Variants in TSPAN11 observed in about 807,000 individuals in gnomAD.
TSPAN11 encodes tetraspanin-11.
Under a neutral mutation model 32.9 loss-of-function variants are expected in TSPAN11, and 29 were observed. The ratio of observed to expected loss-of-function variants is 0.88; its 90% CI spans 0.66 to 1.20. The LOEUF (loss-of-function observed/expected upper bound fraction) is 1.20. Ranked by LOEUF, TSPAN11 falls within the 50% of genes most tolerant of loss-of-function variation. The pLI is 0.00. For missense variants in TSPAN11, 283 were observed against 329.1 expected, an observed-to-expected ratio of 0.86 and a Z score of 1.08; for synonymous variants, 140 against 141.3, an observed-to-expected ratio of 0.99 and a Z score of 0.07.
intron 1 of TSPAN11, among the ~76,000 whole-genome samples, chr12:30,935,417 C>G (rs1002896530): frequency 4.4e-5 from 5 of 114,898 alleles, no homozygotes; most frequent in African/African-American, 1.8e-4. Flanking sequence ...GAGTTTCACT[C>G]TTGTCGCCCA....
chr12:30,931,311 G>A (rs11051167), intron 1 of TSPAN11, among the ~76,000 whole-genome samples: 17,354 of 152,164 alleles, frequency 0.11, 1,055 homozygotes, highest in Non-Finnish European at 0.14. Flanking sequence ...CTTGCTAGCA[G>A]ATTCTAGTGT....
intron 1 of TSPAN11, among the ~76,000 whole-genome samples, chr12:30,935,308 T>G (rs1358121983): frequency 6.6e-6 from 1 of 152,024 alleles, no homozygotes; most frequent in African/African-American, 2.4e-5. Flanking sequence ...GTGTAGACTG[T>G]ACCCTTCACT....
At chr12:31,002,988 C>G in the TSPAN11 span, among the ~76,000 whole-genome samples, 1 of 152,160 alleles carries the variant, frequency 6.6e-6, no homozygotes, top group Admixed American at 6.5e-5. The surrounding 1 kb of genome is among the most constrained non-coding windows in gnomAD (Gnocchi z 4.8). Context: ...AGTTCTCACC[C>G]CCTGCCTGCT....
At chr12:30,958,964 GA>G (rs1326717731) in intron 2 of TSPAN11, among the ~76,000 whole-genome samples, 2 of 152,130 alleles carry the variant, frequency 1.3e-5, no homozygotes, top group African/African-American at 4.8e-5. Context: ...ATGACCCAGA[GA>G]AAAAGCCTAT....
At position 30,982,440 on chromosome 12, in the gene TSPAN11, G is replaced by T. The variant is rs1365865475; in HGVS notation, c.457-92G>T. 2.0e-6 allele frequency: 3 copies of T among 1,486,672 alleles called. No homozygotes were observed. The African/African-American group carries it at 4.2e-5, about 21-fold the overall frequency. The allele number at this position is 1,486,672 out of a possible 1,614,324, so 92.1% of individuals were successfully genotyped here. On this transcript the variant is annotated intron_variant, in intron 5 of 7. Coordinates refer to ENST00000546076, the MANE Select transcript of TSPAN11 (RefSeq NM_001370302.1). Reference sequence around the variant, plus strand: ...AACCATGGTTCGGGTAGACAAATAGGGGTTGGGTTAGTATTTGAATAATGT... The same window carrying T: ...AACCATGGTTCGGGTAGACAAATAGTGGTTGGGTTAGTATTTGAATAATGT...
intron 1 of TSPAN11, among the ~76,000 whole-genome samples, chr12:30,934,036 C>T (rs907938191): frequency 5.3e-5 from 8 of 152,326 alleles, no homozygotes; most frequent in African/African-American, 1.9e-4. Context: ...GTCCCCAGAA[C>T]CTGGAGGTGT....
At chr12:30,977,258 T>C (rs1938992851) in intron 3 of TSPAN11, among the ~76,000 whole-genome samples, 1 of 152,198 alleles carries the variant, frequency 6.6e-6, no homozygotes, top group African/African-American at 2.4e-5. Context: ...GCATTGCCTC[T>C]GAAATGCTCT....
chr12:30,945,562 C>G (rs910580228), intron 1 of TSPAN11, among the ~76,000 whole-genome samples: 1 of 152,146 alleles, frequency 6.6e-6, no homozygotes, highest in Admixed American at 6.5e-5. Context: ...TGCTCCTGGT[C>G]GCTGGCCCTG....
chr12:30,986,423 C>G (rs759494501), intron 7 of TSPAN11, among the ~76,000 whole-genome samples: 2 of 152,180 alleles, frequency 1.3e-5, no homozygotes, highest in Non-Finnish European at 2.9e-5. Flanking sequence ...GGAAATATCA[C>G]GTAGGAGCCC....
intron 2 of TSPAN11, among the ~76,000 whole-genome samples, chr12:30,961,403 G>T (rs1938609947): frequency 6.6e-6 from 1 of 151,950 alleles, no homozygotes; most frequent in Non-Finnish European, 1.5e-5. Flanking sequence ...TAGAGGGGCT[G>T]CATATCTGTC....
In TSPAN11 at chr12:30,991,846, C is replaced by T. The variant is rs775803614; in HGVS notation, c.703-10C>T. 2.4e-5 allele frequency: 38 copies of T among 1,614,094 alleles called. No individual in the cohort carries two copies. The highest frequency in any genetic ancestry group is 3.0e-5 in the Non-Finnish European group (35 of 1,180,032). On this transcript the variant is annotated splice_polypyrimidine_tract_variant and intron_variant, in intron 7 of 7. Coordinates refer to ENST00000546076, the MANE Select transcript of TSPAN11 (RefSeq NM_001370302.1). ...TTTCTCTTTGCTCCTCTGCTCTCTC[C>T]ACCTGGCAGATCTGCGGGATGGTTC...
chr12:30,981,314 C>T (rs1057146128), intron 5 of TSPAN11, among the ~76,000 whole-genome samples: 1 of 152,234 alleles, frequency 6.6e-6, no homozygotes, highest in Non-Finnish European at 1.5e-5. Context: ...ACACACAAAG[C>T]TGTATTCACA....
intron 3 of TSPAN11, among the ~76,000 whole-genome samples, chr12:30,966,640 A>T (rs1328830873): frequency 6.6e-6 from 1 of 152,194 alleles, no homozygotes; most frequent in East Asian, 1.9e-4. Flanking sequence ...GGGGAGGAGG[A>T]CAAGCCTGAT....
downstream of TSPAN11, among the ~76,000 whole-genome samples, chr12:31,000,136 A>G (rs930308653): frequency 3.3e-5 from 5 of 152,256 alleles, no homozygotes; most frequent in Non-Finnish European, 7.3e-5. Flanking sequence ...AGACCATCCC[A>G]GTGCCAATAT....
At chr12:30,978,112 C>G (rs1433043029) in intron 3 of TSPAN11, among the ~76,000 whole-genome samples, 1 of 152,164 alleles carries the variant, frequency 6.6e-6, no homozygotes, top group South Asian at 2.1e-4. Flanking sequence ...AATGCCTATT[C>G]AGTCCTTAAA....
At chr12:30,986,901 GCCTTC>G (rs1185967612) in intron 7 of TSPAN11, 2 of 152,186 alleles carry the variant, frequency 1.3e-5, no homozygotes, top group Non-Finnish European at 2.9e-5. Flanking sequence ...GCGGGCCGTG[GCCTTC>G]AGCCTCAGAC....
downstream of TSPAN11, chr12:30,999,323 TAAAAA>T (rs142000951): frequency 8.0e-6 from 1 of 124,440 alleles, no homozygotes; most frequent in Non-Finnish European, 1.8e-5. Flanking sequence ...CAAAAGAAAA[TAAAAA>T]AAAGAAAAAG....
At chr12:30,971,982 T>C (rs940419258) in intron 3 of TSPAN11, among the ~76,000 whole-genome samples, 66 of 152,332 alleles carry the variant, frequency 4.3e-4, no homozygotes, top group African/African-American at 1.5e-3. Flanking sequence ...TAAAATCGCT[T>C]TGCTACATGG....
At chr12:30,964,142 G>A in intron 3 of TSPAN11, 125 bp downstream of exon 3, 1 of 1,221,336 alleles carries the variant, frequency 8.2e-7, no homozygotes, top group Admixed American at 2.4e-5. Flanking sequence ...TGCCCGAGAA[G>A]GGGTGGCTGC....
Sources: gnomAD v4.1 joint callset for allele counts (sites outside exome capture counted in the v4.1 genomes callset) on GRCh38, gnomAD v4.1.1 for gene constraint, Gnocchi (gnomAD v3.1) non-coding constraint, MANE v1.5 for transcripts, NCBI Gene and HGNC (gene_info 2026-07-23, HGNC 2026-07-21) for gene names.